ZER1: variants seen among roughly 807,000 people sequenced by gnomAD.
The protein encoded by ZER1 is zyg-11 related cell cycle regulator.
A neutral mutation model predicts 78.8 loss-of-function variants in ZER1; 11 were observed. The ratio of observed to expected loss-of-function variants is 0.14; its 90% CI spans 0.09 to 0.23. ZER1 has a LOEUF of 0.23. Among genes scored for constraint, ZER1 ranks in the 10% least tolerant of loss-of-function variants. ZER1 has a pLI of 1.00. For missense variants in ZER1, 588 were observed against 996.9 expected (o/e 0.59, Z 5.52); for synonymous variants, 400 against 407.0 (o/e 0.98, Z 0.21).
rs1863843315 is a variant in ZER1 at position 128,755,925 on chromosome 9, GTGGGGATAATACAGATTTTCAC to G, written c.-94-288_-94-267del. On this transcript the variant is annotated intron_variant, in intron 1 of 15. Transcript: ENST00000291900. The surrounding 1 kb of genome is among the most constrained non-coding windows in gnomAD (Gnocchi z 5.6). ...TGTGTGCTGGGGACCCAGTGCTTGG[GTGGGGATAATACAGATTTTCAC>G]TCTTCAGCTTCCCACAGTCTGAAGA... 6.6e-6 allele frequency among the ~76,000 whole-genome samples: 1 copy of G among 152,202 alleles called. No homozygotes were observed. Among genetic ancestry groups the G allele is most frequent in the African/African-American group, 2.4e-5 (1 of 41,436 alleles).
intron 8 of ZER1, among the ~76,000 whole-genome samples, chr9:128,743,396 G>A (rs1316216325): frequency 6.6e-6 from 1 of 152,020 alleles, no homozygotes; most frequent in Non-Finnish European, 1.5e-5. Context: ...GATTACAGGT[G>A]TGAGCCACTG....
rs749073113 is a variant in ZER1 at position 128,751,265 on chromosome 9, T to C, written c.1042A>G (p.Ser348Gly). ...ACCTGCTCTTCGTTTTTGTCACCAC[T>C]TACCTGCGGGTGGGACACGCTCAGA... ...RLTHIPAYKV[S>G]GDKNEEQVLN... is the part of the protein sequence containing the mutation. The change falls in exon 7 of 16, where the codon AGT (serine) becomes GGT (glycine). Residue 348 changes from serine (S) to glycine (G), a missense_variant. Around this residue, in one of 3 missense-constraint regions of ZER1, gnomAD observed 406 missense variants for 660.1 expected, o/e 0.62. Transcript: ENST00000291900. This position sits in a 1 kb window ranked among gnomAD's most constrained non-coding sequence, Gnocchi z 5.4. 2 of 1,597,768 alleles carry C rather than the reference T, an allele frequency of 1.3e-6. No individual in the cohort carries two copies. The highest frequency in any genetic ancestry group is 1.7e-6 in the Non-Finnish European group (2 of 1,166,780).
In ZER1 at chr9:128,738,049, A is replaced by AT. The variant is rs1188383059; in HGVS notation, c.2042+1881dup. Among the ~76,000 whole-genome samples, 3 of 128,672 alleles carry AT rather than the reference A, an allele frequency of 2.3e-5. No individual in the cohort carries two copies. The East Asian group carries it at 6.9e-4, about 30-fold the overall frequency. 84.4% of individuals were successfully genotyped at this position (128,672 alleles called of 152,430 possible). ...TTTATTCATTTTTATTTTTATTTTT[A>AT]TTTATTTATTTTTGAGACGGAGTCT... On this transcript the variant is annotated intron_variant, in intron 13 of 15. Coordinates refer to ENST00000291900, the MANE Select transcript of ZER1 (RefSeq NM_006336.4).
At chr9:128,741,693 AC>A in intron 10 of ZER1, 39 bp from the exon 11 acceptor site, 1 of 1,613,728 alleles carries the variant, frequency 6.2e-7, no homozygotes, top group Non-Finnish European at 8.5e-7. Context: ...GGCTCCTGGT[AC>A]CCGGGGAGGG....
chr9:128,743,892 GCTTTT>G (rs1863393922), intron 8 of ZER1, among the ~76,000 whole-genome samples: 1 of 97,060 alleles, frequency 1.0e-5, no homozygotes, highest in African/African-American at 4.0e-5. Context: ...AATGGCCCCT[GCTTTT>G]TTTTTTTTTT....
At chr9:128,747,270 A>G (rs1423516672) in intron 8 of ZER1, among the ~76,000 whole-genome samples, 1 of 151,732 alleles carries the variant, frequency 6.6e-6, no homozygotes, top group South Asian at 2.1e-4. Context: ...ACAGAAATGT[A>G]TTATAAGGAT....
In ZER1 at chr9:128,735,435, C is replaced by A; in HGVS notation, c.2043-4G>T. On this transcript the variant is annotated splice_polypyrimidine_tract_variant and splice_region_variant and intron_variant, in intron 13 of 15. Transcript: ENST00000291900. ...GCGGAGAATTGGTTCAAATGACCTG[C>A]AGGAAAAGAAATCAAGGTCACTGTG... is the stretch of plus-strand genomic sequence containing the variant. The A allele has an allele frequency of 6.2e-7, 1 of 1,613,004 alleles. No homozygotes were observed. Among genetic ancestry groups the A allele is most frequent in the Non-Finnish European group, 8.5e-7 (1 of 1,179,444 alleles).
chr9:128,737,738 T>C (rs984811915), intron 13 of ZER1, among the ~76,000 whole-genome samples: 2 of 152,284 alleles, frequency 1.3e-5, no homozygotes, highest in East Asian at 3.9e-4. Context: ...AGTATCACTC[T>C]GTTGCCCAGG....
intron 14 of ZER1, among the ~76,000 whole-genome samples, chr9:128,734,177 A>AAAAT (rs1554784893): frequency 1.5e-4 from 8 of 52,720 alleles, no homozygotes; most frequent in African/African-American, 3.7e-4. Context: ...TCTTAAAAAA[A>AAAAT]ATATATATAT....
intron 15 of ZER1, chr9:128,733,216 C>G: frequency 2.0e-6 from 1 of 509,444 alleles, no homozygotes; most frequent in East Asian, 2.9e-5. Context: ...ATGCTCCGTT[C>G]CGAGCTTGGT....
At chr9:128,771,524 CAGGAGGCGAAGG>C (rs1280531716) in intron 1 of ZER1, 45 bp downstream of exon 1, 1 of 152,516 alleles carries the variant, frequency 6.6e-6, no homozygotes, top group African/African-American at 2.4e-5. Flanking sequence ...GCCCCGTAGG[CAGGAGGCGAAGG>C]AGGAGGACGC....
rs534914050 is a variant in ZER1, at chr9:128,749,365, C to T, written c.1359+1251G>A. ...AATAAAAATTATTGTTTGATCCTTTCGTAGTTTATAAGAGTGATGATTAGG... is the reference window on the plus strand; with the variant it reads ...AATAAAAATTATTGTTTGATCCTTTTGTAGTTTATAAGAGTGATGATTAGG... On this transcript the variant is annotated intron_variant, in intron 8 of 15. Transcript: ENST00000291900. Among the ~76,000 whole-genome samples the T allele has an allele frequency of 3.3e-5, 5 of 152,208 alleles. No individual in the cohort carries two copies. In the South Asian group the frequency reaches 1.0e-3, roughly 32 times the overall value.
In ZER1 at chr9:128,733,452, T is replaced by A; in HGVS notation, c.2217A>T (p.Ala739=). The stretch of plus-strand genomic sequence containing the variant: ...GGGCCATTTCCTTGGTCTCCTGCCG[T>A]GCGGTCGCCATCTTAATTATGTCCC... ...LLRDIIKMAT[A]RQETKEMARK... The change falls in exon 15 of 16, where the codon GCA becomes GCT. Residue 739 remains alanine (A), a synonymous_variant. Transcript: ENST00000291900. 6.2e-7 allele frequency: 1 copy of A among 1,613,978 alleles called. No individual in the cohort carries two copies. The highest frequency in any genetic ancestry group is 8.5e-7 in the Non-Finnish European group (1 of 1,179,972).
rs762622084 is a variant in ZER1 at position 128,733,578 on chromosome 9, G to A, written c.2141-50C>T. ...AGGATCAGGATGGGTCTTCTTATCA[G>A]CCCGAGGCCCAGAAACCCACCCTGT... On this transcript the variant is annotated intron_variant, in intron 14 of 15. Transcript: ENST00000291900. 4.5e-6 allele frequency: 7 copies of A among 1,542,522 alleles called. No homozygotes were observed. In the South Asian group the frequency reaches 8.0e-5, roughly 18 times the overall value.
In ZER1 at chr9:128,742,757, C is replaced by T. The variant is rs1863346314; in HGVS notation, c.1360-12G>A. ...CAGTTCCGCTGCACCTGGGCCGGGA[C>T]AGGACACAAGTGGGGCACATTCAGG... On this transcript the variant is annotated splice_polypyrimidine_tract_variant and intron_variant, in intron 8 of 15. Coordinates refer to ENST00000291900, the MANE Select transcript of ZER1 (RefSeq NM_006336.4). The T allele has an allele frequency of 1.3e-5, 21 of 1,593,028 alleles. No individual in the cohort carries two copies. The highest frequency in any genetic ancestry group is 1.6e-5 in the Non-Finnish European group (19 of 1,170,806).
At chr9:128,734,871 G>A (rs1863008774) in intron 14 of ZER1, among the ~76,000 whole-genome samples, 1 of 149,968 alleles carries the variant, frequency 6.7e-6, no homozygotes, top group African/African-American at 2.5e-5. Context: ...CATGCAGACA[G>A]CATGGAGACT....
In ZER1 at chr9:128,751,565, C is replaced by T. The variant is rs1451702182; in HGVS notation, c.924-38G>A. ...GGTGCCGGTGTCAGTGGCTTGGGACCCAGGCCTGAGCTGGGCCTCCCCACT... is the reference window on the plus strand; with the variant it reads ...GGTGCCGGTGTCAGTGGCTTGGGACTCAGGCCTGAGCTGGGCCTCCCCACT... On this transcript the variant is annotated intron_variant, in intron 5 of 15. Transcript: ENST00000291900. The surrounding 1 kb of genome is among the most constrained non-coding windows in gnomAD (Gnocchi z 5.4). 6.3e-7 allele frequency: 1 copy of T among 1,589,020 alleles called. No individual in the cohort carries two copies. The highest frequency in any genetic ancestry group is 8.6e-7 in the Non-Finnish European group (1 of 1,164,934).
chr9:128,750,682 A>G lies in ZER1; in HGVS notation c.1293T>C (p.Ser431=), dbSNP rs751954018. 3 of 1,614,092 alleles carry G rather than the reference A, an allele frequency of 1.9e-6. No homozygotes were observed. Among genetic ancestry groups the G allele is most frequent in the Admixed American group, 3.3e-5 (2 of 60,014 alleles). The change falls in exon 8 of 16, where the codon AGT becomes AGC. Residue 431 remains serine, a synonymous_variant. Transcript: ENST00000291900. The part of the protein sequence containing the change: ...LTNSEYRSEQ[S]VKLRRQVIQV... ...GGATAACCTGCCGGCGCAGCTTCAC[A>G]CTCTGCTCTGAGCGGTACTCGGAAT...
At chr9:128,767,655 C>T (rs1864257297) in intron 1 of ZER1, among the ~76,000 whole-genome samples, 1 of 152,128 alleles carries the variant, frequency 6.6e-6, no homozygotes, top group Non-Finnish European at 1.5e-5. Context: ...AAGTGTGTGA[C>T]CCTAAAGTTC....
Sources: gnomAD v4.1 joint callset for allele counts (sites outside exome capture counted in the v4.1 genomes callset) on GRCh38, gnomAD v4.1.1 for gene constraint, gnomAD v4.1.1 regional missense constraint, Gnocchi (gnomAD v3.1) non-coding constraint, MANE v1.5 for transcripts, NCBI Gene and HGNC (gene_info 2026-07-23, HGNC 2026-07-21) for gene names.